Variants in PYGO1 observed in about 807,000 individuals in gnomAD.
The protein encoded by PYGO1 is pygopus homolog 1.
A neutral mutation model predicts 29.5 loss-of-function variants in PYGO1; 6 were observed. The observed-to-expected ratio is 0.20, with a 90% CI of 0.11 to 0.40. PYGO1 has a LOEUF of 0.40. PYGO1 is among the 10% of genes least tolerant of loss of function. PYGO1 has a pLI of 1.00. For missense variants in PYGO1, 515 were observed against 514.9 expected (o/e 1.00, Z 0.00); for synonymous variants, 186 against 180.5 (o/e 1.03, Z -0.24).
chr15:55,573,409 A>C (rs187544094), intron 1 of PYGO1, among the ~76,000 whole-genome samples: 1 of 152,350 alleles, frequency 6.6e-6, no homozygotes, highest in East Asian at 1.9e-4. Flanking sequence ...AAGTTGGTAC[A>C]GCCATTAAAG....
chr15:55,551,933 T>C (rs985567534), intron 1 of PYGO1, among the ~76,000 whole-genome samples: 1 of 152,190 alleles, frequency 6.6e-6, no homozygotes, highest in Admixed American at 6.5e-5. Flanking sequence ...TGATTCAGCA[T>C]ATTAAAATAA....
At chr15:55,551,611 C>A (rs2058879058) in intron 1 of PYGO1, among the ~76,000 whole-genome samples, 2 of 151,862 alleles carry the variant, frequency 1.3e-5, no homozygotes, top group Non-Finnish European at 2.9e-5. Context: ...GCCTGGAAAA[C>A]ACAGTGAGAT....
rs552621364 is a variant in PYGO1 at position 55,585,035 on chromosome 15, G to C, written c.49+2800C>G. ...GATCCACGAATCTATATTTTAATAAGCATCACAAGTGATTATGATGCTTTT... is the reference window on the plus strand; with the variant it reads ...GATCCACGAATCTATATTTTAATAACCATCACAAGTGATTATGATGCTTTT... On this transcript the variant is annotated intron_variant, in intron 1 of 2. Coordinates refer to ENST00000563719, the MANE Select transcript of PYGO1 (RefSeq NM_001367806.1). 3.9e-5 allele frequency among the ~76,000 whole-genome samples: 6 copies of C among 152,278 alleles called. No homozygotes were observed. The East Asian group carries it at 1.2e-3, about 29-fold the overall frequency.
intron 1 of PYGO1, among the ~76,000 whole-genome samples, chr15:55,562,644 C>T (rs2058937789): frequency 6.7e-6 from 1 of 149,486 alleles, no homozygotes; most frequent in African/African-American, 2.5e-5. Flanking sequence ...ACACTCCAGC[C>T]TGGGTGACAG....
At chr15:55,563,072 A>C (rs1328106935) in intron 1 of PYGO1, among the ~76,000 whole-genome samples, 1 of 151,254 alleles carries the variant, frequency 6.6e-6, no homozygotes, top group Non-Finnish European at 1.5e-5. Flanking sequence ...GAAACAAAAG[A>C]AAAAAAACAT....
intron 1 of PYGO1, among the ~76,000 whole-genome samples, chr15:55,580,646 T>C (rs1246249103): frequency 1.3e-5 from 2 of 152,198 alleles, no homozygotes; most frequent in Admixed American, 1.3e-4. Flanking sequence ...AGCTAATAAA[T>C]GGCAGAGCTG....
At chr15:55,587,800 C>G (rs997845303) in intron 1 of PYGO1, 35 bp downstream of exon 1, 6 of 1,476,910 alleles carry the variant, frequency 4.1e-6, no homozygotes, top group Non-Finnish European at 5.4e-6. Flanking sequence ...CCTCACTCAC[C>G]CCGGTTCCCC....
chr15:55,567,876 T>C (rs760298800), intron 1 of PYGO1, among the ~76,000 whole-genome samples: 1 of 152,186 alleles, frequency 6.6e-6, no homozygotes, highest in Non-Finnish European at 1.5e-5. Context: ...TTTTTCTCAA[T>C]TTTGTCAAAT....
In PYGO1 at chr15:55,588,105, CG is replaced by C; in HGVS notation, c.-223del. 1.1e-6 allele frequency: 1 copy of C among 919,126 alleles called. No individual in the cohort carries two copies. Among genetic ancestry groups the C allele is most frequent in the South Asian group, 4.9e-5 (1 of 20,268 alleles). 56.9% of individuals were successfully genotyped at this position (919,126 alleles called of 1,614,324 possible). The stretch of plus-strand genomic sequence containing the variant: ...CGGCGGGGCGGCGTGCGGGCACCGG[CG>C]GGGCTCAGCGGCGGTGGCCGGGAGC... On this transcript the variant is annotated 5_prime_UTR_variant, in exon 1 of 3. Transcript: ENST00000563719.
intron 1 of PYGO1, 140 bp from the exon 2 acceptor site, chr15:55,549,135 G>T: frequency 3.5e-6 from 2 of 564,386 alleles, no homozygotes; most frequent in Non-Finnish European, 5.6e-6. Context: ...ATCATTATCT[G>T]TTTCAAAAAA....
intron 1 of PYGO1, among the ~76,000 whole-genome samples, chr15:55,582,654 C>G (rs1047510145): frequency 2.6e-5 from 4 of 152,188 alleles, no homozygotes; most frequent in African/African-American, 9.7e-5. Flanking sequence ...AGCTCTACTT[C>G]TGGGTGAACT....
intron 1 of PYGO1, among the ~76,000 whole-genome samples, chr15:55,574,380 C>G (rs1046305696): frequency 6.6e-6 from 1 of 152,146 alleles, no homozygotes; most frequent in African/African-American, 2.4e-5. Context: ...CTCTCTACTG[C>G]AAATGGTGCC....
rs1250392543 is a variant in PYGO1 at position 55,541,464 on chromosome 15, A to C, written c.*4559T>G. 1 of 152,216 alleles carries C rather than the reference A, an allele frequency of 6.6e-6. No individual in the cohort carries two copies. Among genetic ancestry groups the C allele is most frequent in the African/African-American group, 2.4e-5 (1 of 41,464 alleles). The allele number at this position is 152,216 out of a possible 1,614,324, so 9.4% of individuals were successfully genotyped here. A position where few individuals can be genotyped will look rare whatever the true frequency, so the allele number is the denominator to read the frequency against. On this transcript the variant is annotated 3_prime_UTR_variant, in exon 3 of 3. Coordinates refer to ENST00000563719, the MANE Select transcript of PYGO1 (RefSeq NM_001367806.1). ...CAGTACCAGCTAATTCACTAAATGTACTGCTTCCCATGGTATCTGAAATGC... is the reference window on the plus strand; with the variant it reads ...CAGTACCAGCTAATTCACTAAATGTCCTGCTTCCCATGGTATCTGAAATGC...
intron 1 of PYGO1, among the ~76,000 whole-genome samples, chr15:55,583,377 GA>G (rs139459778): frequency 0.12 from 17,135 of 140,066 alleles, 1,459 homozygotes; most frequent in African/African-American, 0.25. Flanking sequence ...TTTTTCCAAT[GA>G]AAAAAAAAAA....
chr15:55,557,955 C>T (rs1053110712), intron 1 of PYGO1, among the ~76,000 whole-genome samples: 6 of 152,166 alleles, frequency 3.9e-5, no homozygotes, highest in African/African-American at 1.4e-4. Context: ...CCCTCTCTTA[C>T]CACTCCTATT....
Position 55,587,935 on chromosome 15 carries a change from T to C in PYGO1, c.-52A>G. 4 of 1,454,282 alleles carry C rather than the reference T, an allele frequency of 2.8e-6. No individual in the cohort carries two copies. The South Asian group carries it at 5.2e-5, about 19-fold the overall frequency. 90.1% of individuals were successfully genotyped at this position (1,454,282 alleles called of 1,614,324 possible). A position where few individuals can be genotyped will look rare whatever the true frequency, so the allele number is the denominator to read the frequency against. On this transcript the variant is annotated 5_prime_UTR_variant, in exon 1 of 3. Transcript: ENST00000563719. The stretch of plus-strand genomic sequence containing the variant: ...CCAGGCCGCGGGAATTCGGTCTCTT[T>C]GATGCTGCGGCGGCGGCTCCTCCTC...
chr15:55,588,358 A>C (rs2059059515), upstream of PYGO1, among the ~76,000 whole-genome samples: 1 of 148,250 alleles, frequency 6.7e-6, no homozygotes. Context: ...AAGCCCCCAG[A>C]CTGGAGCCGC....
chr15:55,548,171 C>T (rs1011692633), intron 2 of PYGO1, among the ~76,000 whole-genome samples: 4 of 151,992 alleles, frequency 2.6e-5, no homozygotes, highest in Non-Finnish European at 4.4e-5. Flanking sequence ...AGGAGTGTGC[C>T]ACCACACCCG....
In PYGO1 at chr15:55,565,028, C is replaced by T. The variant is rs894186549; in HGVS notation, c.50-16033G>A. 2.0e-5 allele frequency among the ~76,000 whole-genome samples: 3 copies of T among 152,310 alleles called. No individual in the cohort carries two copies. The East Asian group carries it at 5.8e-4, about 29-fold the overall frequency. The stretch of plus-strand genomic sequence containing the variant: ...TCTTTCTGCTTTCAATGTGTATCAA[C>T]TCCTTGTGCTTCAAGTCTCTGATTT... On this transcript the variant is annotated intron_variant, in intron 1 of 2. Coordinates refer to ENST00000563719, the MANE Select transcript of PYGO1 (RefSeq NM_001367806.1).
Sources: gnomAD v4.1 joint callset for allele counts (sites outside exome capture counted in the v4.1 genomes callset) on GRCh38, gnomAD v4.1.1 for gene constraint, MANE v1.5 for transcripts, NCBI Gene and HGNC (gene_info 2026-07-23, HGNC 2026-07-21) for gene names.